The following H2BK1 variants were observed in gnomAD, a reference collection of about 807,000 sequenced individuals.
H2BK1 encodes the protein H2B.K variant histone 1.
chr7:151,210,149 G>A, the H2BK1 span: 2 of 398,818 alleles, frequency 5.0e-6, no homozygotes, highest in Non-Finnish European at 8.8e-6. Context: ...GGCGCTTTGT[G>A]AGGGCATCCC....
chr7:151,210,009 G>A, the H2BK1 span, among the ~76,000 whole-genome samples: 2,902 of 152,314 alleles, frequency 0.019, 105 homozygotes, highest in African/African-American at 0.066. Flanking sequence ...CGGTGCCCAA[G>A]ATCCTGAGAG....
chr7:151,208,130 C>A, the H2BK1 span: 1 of 1,566,620 alleles, frequency 6.4e-7, no homozygotes, highest in Admixed American at 1.7e-5. Context: ...CAGCACCACT[C>A]GGTTAATGGA....
the H2BK1 span, chr7:151,210,435 G>C: frequency 1.1e-3 from 444 of 389,060 alleles, 1 homozygote; most frequent in African/African-American, 8.1e-3. Context: ...GGGGCAGGTG[G>C]GAGGTAAGGG....
At chr7:151,210,047 G>A in the H2BK1 span, 21 of 394,194 alleles carry the variant, frequency 5.3e-5, no homozygotes, top group South Asian at 4.3e-4. Context: ...ACCAGGTCCC[G>A]CCACCTCAAG....
the H2BK1 span, among the ~76,000 whole-genome samples, chr7:151,209,321 C>A: frequency 2.7e-5 from 4 of 149,980 alleles, no homozygotes; most frequent in Non-Finnish European, 5.9e-5. Context: ...CCCACAAGAG[C>A]ATTCCCAGGC....
the H2BK1 span, among the ~76,000 whole-genome samples, chr7:151,209,165 T>G: frequency 6.6e-6 from 1 of 151,952 alleles, no homozygotes; most frequent in African/African-American, 2.4e-5. Flanking sequence ...ACCCATCAGT[T>G]GCAATTTTTG....
chr7:151,208,483 A>C, the H2BK1 span, among the ~76,000 whole-genome samples: 1 of 152,170 alleles, frequency 6.6e-6, no homozygotes, highest in Non-Finnish European at 1.5e-5. Flanking sequence ...ACTTCCTAAC[A>C]CCATTCCTCT....
the H2BK1 span, chr7:151,207,977 G>C: frequency 1.2e-5 from 18 of 1,462,340 alleles, no homozygotes; most frequent in South Asian, 1.5e-4. Flanking sequence ...GACTTCTCGG[G>C]ATGTCAGGGT....
At chr7:151,208,011 G>A in the H2BK1 span, 2 of 1,593,554 alleles carry the variant, frequency 1.3e-6, no homozygotes, top group South Asian at 2.2e-5. Flanking sequence ...TACTGGGCCA[G>A]CCGGGCAGCC....
At chr7:151,209,667 ACT>A in the H2BK1 span, among the ~76,000 whole-genome samples, 29 of 152,130 alleles carry the variant, frequency 1.9e-4, no homozygotes, top group Non-Finnish European at 4.0e-4. Flanking sequence ...GGACACTGCC[ACT>A]GTCAGGCCAT....
the H2BK1 span, chr7:151,208,146 C>T: frequency 1.9e-6 from 3 of 1,605,700 alleles, no homozygotes; most frequent in Admixed American, 1.7e-5. Flanking sequence ...ATGGAAGGGG[C>T]CAGGGGAGGG....
chr7:151,210,389 G>A, the H2BK1 span: 1 of 309,576 alleles, frequency 3.2e-6, no homozygotes, highest in Non-Finnish European at 5.6e-6. Context: ...TGCCCCACCA[G>A]GTGTGGCTGG....
At chr7:151,209,484 T>C in the H2BK1 span, among the ~76,000 whole-genome samples, 1 of 152,212 alleles carries the variant, frequency 6.6e-6, no homozygotes, top group Non-Finnish European at 1.5e-5. Context: ...CTCCTGGCCT[T>C]GGCCCTGCTG....
At chr7:151,210,366 T>C in the H2BK1 span, 1 of 397,878 alleles carries the variant, frequency 2.5e-6, no homozygotes, top group East Asian at 3.6e-5. Context: ...GAGCTACTTT[T>C]TATCAAGTCA....
At chr7:151,210,002 T>C in the H2BK1 span, among the ~76,000 whole-genome samples, 1 of 152,178 alleles carries the variant, frequency 6.6e-6, no homozygotes, top group African/African-American at 2.4e-5. Context: ...CTATCACCGG[T>C]GCCCAAGATC....
chr7:151,208,187 C>T, the H2BK1 span: 1 of 1,461,956 alleles, frequency 6.8e-7, no homozygotes, highest in Non-Finnish European at 9.5e-7. Flanking sequence ...AGCCTCAGCC[C>T]TGAGCTGGGG....
At chr7:151,207,956 A>G in the H2BK1 span, 1 of 1,352,236 alleles carries the variant, frequency 7.4e-7, no homozygotes. Context: ...CAGCAGACGC[A>G]CAGCCGTCTG....
At chr7:151,208,204 G>A in the H2BK1 span, 2 of 1,242,116 alleles carry the variant, frequency 1.6e-6, no homozygotes, top group Non-Finnish European at 2.3e-6. Flanking sequence ...GGGGGCTCTA[G>A]GAAGCCAGAG....
chr7:151,207,957 C>G, the H2BK1 span: 1 of 1,360,510 alleles, frequency 7.4e-7, no homozygotes, highest in South Asian at 1.2e-5. Context: ...AGCAGACGCA[C>G]AGCCGTCTGG....
Sources: gnomAD v4.1 joint callset for allele counts (sites outside exome capture counted in the v4.1 genomes callset) on GRCh38, gnomAD v4.1.1 for gene constraint, MANE v1.5 for transcripts, NCBI Gene and HGNC (gene_info 2026-07-23, HGNC 2026-07-21) for gene names.